The following NFIX variants were observed in gnomAD, a reference collection of about 807,000 sequenced individuals.
The protein encoded by NFIX is nuclear factor 1 X-type.
Under a neutral mutation model 53.3 loss-of-function variants are expected in NFIX, and 2 were observed. That is an observed-to-expected ratio of 0.04 (90% CI 0.02 to 0.12). The LOEUF is 0.12. Among genes scored for constraint, NFIX ranks in the 10% least tolerant of loss-of-function variants. The pLI is 1.00. For synonymous variants in NFIX, 244 were observed against 289.0 expected (o/e 0.84, Z 1.58); for missense variants, 310 against 674.5 (o/e 0.46, Z 5.99).
rs2017465425 is a variant in NFIX at position 13,081,549 on chromosome 19, C to T, written c.1079-131C>T. 2.5e-6 allele frequency: 2 copies of T among 802,998 alleles called. No individual in the cohort carries two copies. The highest frequency in any genetic ancestry group is 3.7e-6 in the Non-Finnish European group (2 of 535,202). The allele number at this position is 802,998 out of a possible 1,614,324, so 49.7% of individuals were successfully genotyped here. On this transcript the variant is annotated intron_variant, in intron 7 of 10. Transcript: ENST00000592199. This position sits in a 1 kb window ranked among gnomAD's most constrained non-coding sequence, Gnocchi z 4.7. ...TTTTTGTGCCGCCTTAACTTTTGTGCCTGTGGCGGCTGCCTTACCTGCTCA... is the reference window on the plus strand; with the variant it reads ...TTTTTGTGCCGCCTTAACTTTTGTGTCTGTGGCGGCTGCCTTACCTGCTCA...
Position 13,067,810 on chromosome 19 carries a change from T to C in NFIX, c.560-5237T>C, listed in dbSNP as rs888705138. ...TGTAGGTGGAAAATATATATATATA[T>C]ATTAAAAACATGCATCCGGGCACGG... On this transcript the variant is annotated intron_variant, in intron 2 of 10. Transcript: ENST00000592199. The surrounding 1 kb of genome is among the most constrained non-coding windows in gnomAD (Gnocchi z 4.2). Among the ~76,000 whole-genome samples the C allele has an allele frequency of 5.3e-5, 8 of 152,026 alleles. No homozygotes were observed. The East Asian group carries it at 5.8e-4, about 11-fold the overall frequency.
intron 2 of NFIX, among the ~76,000 whole-genome samples, chr19:13,042,789 A>T (rs1366157268): frequency 8.1e-6 from 1 of 123,294 alleles, no homozygotes; most frequent in African/African-American, 3.2e-5. Flanking sequence ...TTCTGCTGGG[A>T]TGGACATCCT....
In NFIX at chr19:13,073,831, T is replaced by C. The variant is rs1377207307; in HGVS notation, c.698-75T>C. The C allele has an allele frequency of 3.1e-6, 5 of 1,593,010 alleles. No homozygotes were observed. The highest frequency in any genetic ancestry group is 4.3e-6 in the Non-Finnish European group (5 of 1,164,470). On this transcript the variant is annotated intron_variant, in intron 4 of 10. Transcript: ENST00000592199. The surrounding 1 kb of genome is among the most constrained non-coding windows in gnomAD (Gnocchi z 4.5). ...AACTCACCCTGGGCTTCTGGGAAGC[T>C]GTTCATGACAAAGAAACAGACCCCA...
In NFIX at chr19:13,072,946, G is replaced by T; in HGVS notation, c.560-101G>T. ...GTGAAGGTTTCTGTAGCCAGGGTGG[G>T]CCGTCCCTGCTCTTGCACCAGGCTG... On this transcript the variant is annotated intron_variant, in intron 2 of 10. Transcript: ENST00000592199. This position sits in a 1 kb window ranked among gnomAD's most constrained non-coding sequence, Gnocchi z 4.0. 8.7e-7 allele frequency: 1 copy of T among 1,154,668 alleles called. No individual in the cohort carries two copies. Among genetic ancestry groups the T allele is most frequent in the Non-Finnish European group, 1.3e-6 (1 of 762,428 alleles). 71.5% of individuals were successfully genotyped at this position (1,154,668 alleles called of 1,614,324 possible). A position where few individuals can be genotyped will look rare whatever the true frequency, so the allele number is the denominator to read the frequency against.
chr19:13,065,545 G>A (rs748045150), intron 2 of NFIX, among the ~76,000 whole-genome samples: 1 of 152,204 alleles, frequency 6.6e-6, no homozygotes, highest in African/African-American at 2.4e-5. Context: ...CATTGCTGCT[G>A]TGGCTGGGGG....
At chr19:13,035,890 C>T (rs2014151023) in intron 2 of NFIX, among the ~76,000 whole-genome samples, 1 of 152,206 alleles carries the variant, frequency 6.6e-6, no homozygotes, top group East Asian at 1.9e-4. Context: ...GTACCCTTGC[C>T]CGCATCATCC....
intron 2 of NFIX, among the ~76,000 whole-genome samples, chr19:13,054,507 G>A (rs1019487869): frequency 2.0e-5 from 3 of 152,096 alleles, no homozygotes; most frequent in Non-Finnish European, 4.4e-5. Context: ...AGTCTTGGGT[G>A]GGACGTTTCC....
intron 1 of NFIX, among the ~76,000 whole-genome samples, chr19:12,999,014 G>A (rs1056300133): frequency 2.6e-5 from 4 of 152,074 alleles, no homozygotes; most frequent in Admixed American, 1.3e-4. Context: ...ATGGAGCCCT[G>A]AGCACATGCT....
chr19:13,023,999 C>T (rs1350612926), intron 1 of NFIX: 7 of 1,282,608 alleles, frequency 5.5e-6, no homozygotes, highest in East Asian at 5.4e-5. Flanking sequence ...ATCTCAGAAT[C>T]GGGCGTTGGG....
At chr19:13,023,523 G>C (rs1283787822) in intron 1 of NFIX, among the ~76,000 whole-genome samples, 2 of 151,984 alleles carry the variant, frequency 1.3e-5, no homozygotes, top group Non-Finnish European at 2.9e-5. Context: ...TTTCCCTCCT[G>C]GGTTTTGTTT....
At position 13,022,339 on chromosome 19, in the gene NFIX, T is replaced by TGG; in HGVS notation, c.28-2678_28-2677dup. Among the ~76,000 whole-genome samples the TGG allele has an allele frequency of 6.6e-6, 1 of 152,156 alleles. No individual in the cohort carries two copies. The highest frequency in any genetic ancestry group is 1.9e-4 in the East Asian group (1 of 5,172). Reference sequence around the variant, plus strand: ...GGCCGAAGGAGGAGGCTGAGCTTGCTGGGGGCTGGGGGAGAAGGGAGGGAC... The same window carrying TGG: ...GGCCGAAGGAGGAGGCTGAGCTTGCTGGGGGGGCTGGGGGAGAAGGGAGGGAC... On this transcript the variant is annotated intron_variant, in intron 1 of 10. Transcript: ENST00000592199. The surrounding 1 kb of genome is among the most constrained non-coding windows in gnomAD (Gnocchi z 4.5).
chr19:13,034,845 C>T (rs2014069319), intron 2 of NFIX, among the ~76,000 whole-genome samples: 1 of 147,492 alleles, frequency 6.8e-6, no homozygotes, highest in Non-Finnish European at 1.5e-5. Context: ...AGATTTTCGT[C>T]TGTGTCCATG....
At chr19:13,032,825 A>G (rs1383847865) in intron 2 of NFIX, among the ~76,000 whole-genome samples, 8 of 152,076 alleles carry the variant, frequency 5.3e-5, no homozygotes, top group Admixed American at 5.2e-4. Context: ...CGAACAAGAG[A>G]CACCCAAACC....
At chr19:13,017,920 C>T (rs1000747395) in intron 1 of NFIX, among the ~76,000 whole-genome samples, 2 of 152,222 alleles carry the variant, frequency 1.3e-5, no homozygotes, top group African/African-American at 4.8e-5. Context: ...GTGTGTGAGG[C>T]TCTGCACTTC....
intron 1 of NFIX, among the ~76,000 whole-genome samples, chr19:13,023,630 CTTTT>C (rs201731717): frequency 9.3e-5 from 12 of 128,668 alleles, no homozygotes; most frequent in Non-Finnish European, 1.5e-4. Context: ...GCATTTTTTT[CTTTT>C]TTTTTTTTTT....
At position 13,051,614 on chromosome 19, in the gene NFIX, G is replaced by A. The variant is rs1810652632; in HGVS notation, c.560-21433G>A. Reference sequence around the variant, plus strand: ...GGTTCGGGGAGGAGACAGCCTCTCAGGCGAGTGAGCTCTAGAGGCCCTTCC... The same window carrying A: ...GGTTCGGGGAGGAGACAGCCTCTCAAGCGAGTGAGCTCTAGAGGCCCTTCC... On this transcript the variant is annotated intron_variant, in intron 2 of 10. Coordinates refer to ENST00000592199, the MANE Select transcript of NFIX (RefSeq NM_001365902.3). This position sits in a 1 kb window ranked among gnomAD's most constrained non-coding sequence, Gnocchi z 5.1. Among the ~76,000 whole-genome samples, 2 of 152,284 alleles carry A rather than the reference G, an allele frequency of 1.3e-5. No homozygotes were observed. Among genetic ancestry groups the A allele is most frequent in the Admixed American group, 1.3e-4 (2 of 15,304 alleles).
chr19:13,046,138 C>CT (rs2014968143), intron 2 of NFIX, among the ~76,000 whole-genome samples: 1 of 152,182 alleles, frequency 6.6e-6, no homozygotes, highest in Admixed American at 6.5e-5. Context: ...AGGGGCATCC[C>CT]TGCAGGCACT....
rs1469125354 is a variant in NFIX, at chr19:12,995,846, C to T, written c.9C>T (p.Ser3=). ...CGCCCGGGCGCCCAGCTATGTACTC[C>T]CCGTACTGCCTCACCCAGGTACCGG... MY[S]PYCLTQDEFH... Residue 3 remains serine (S), a synonymous_variant, in exon 1 of 11, where the codon TCC becomes TCT. Coordinates refer to ENST00000592199, the MANE Select transcript of NFIX (RefSeq NM_001365902.3). The T allele has an allele frequency of 1.1e-5, 11 of 995,322 alleles. No individual in the cohort carries two copies. Among genetic ancestry groups the T allele is most frequent in the Non-Finnish European group, 1.3e-5 (11 of 837,802 alleles). 61.7% of individuals were successfully genotyped at this position (995,322 alleles called of 1,614,324 possible). A position where few individuals can be genotyped will look rare whatever the true frequency, so the allele number is the denominator to read the frequency against.
chr19:12,995,964 G>A (rs563903548), intron 1 of NFIX, 100 bp downstream of exon 1: 82 of 412,160 alleles, frequency 2.0e-4, no homozygotes, highest in Non-Finnish European at 2.4e-4. Flanking sequence ...GGGAAGGGGG[G>A]GCCGAGAGCC....
Sources: allele counts gnomAD v4.1 joint callset (sites outside exome capture counted in the v4.1 genomes callset), GRCh38; gene constraint gnomAD v4.1.1; non-coding constraint Gnocchi (gnomAD v3.1); transcripts MANE v1.5; gene names NCBI Gene and HGNC (gene_info 2026-07-23, HGNC 2026-07-21).